Variants in PTS observed in about 807,000 individuals in gnomAD.
PTS encodes 6-pyruvoyltetrahydropterin synthase.
Under a neutral mutation model 20.6 loss-of-function variants are expected in PTS, and 23 were observed. The ratio of observed to expected loss-of-function variants is 1.12; its 90% confidence interval spans 0.80 to 1.58. PTS has a LOEUF of 1.58. Ranked by LOEUF, PTS falls within the 40% of genes most tolerant of loss-of-function variation. PTS has a pLI of 0.00. For missense variants in PTS, 186 were observed against 182.4 expected, an observed-to-expected ratio of 1.02 and a Z score of -0.11; for synonymous variants, 65 against 62.5, an observed-to-expected ratio of 1.04 and a Z score of -0.19.
intron 2 of PTS, among the ~76,000 whole-genome samples, chr11:112,229,873 CT>C (rs1487684109): frequency 6.6e-6 from 1 of 152,206 alleles, no homozygotes; most frequent in African/African-American, 2.4e-5. Flanking sequence ...AAGACATTTT[CT>C]ACTTCTACAG....
intron 3 of PTS, 87 bp downstream of exon 3, chr11:112,230,317 C>A: frequency 6.8e-7 from 1 of 1,466,396 alleles, no homozygotes; most frequent in South Asian, 1.1e-5. Flanking sequence ...GAAAACTGTT[C>A]CAGTCAGTAT....
rs1592878112 is a variant in PTS at position 112,226,592 on chromosome 11, G to A, written c.83+66G>A. The A allele has an allele frequency of 2.9e-6, 4 of 1,397,650 alleles. No homozygotes were observed. The East Asian group carries it at 9.3e-5, about 32-fold the overall frequency. 86.6% of individuals were successfully genotyped at this position (1,397,650 alleles called of 1,614,324 possible). ...CGGGCCCCGGAACGTCACCGGGGCG[G>A]GGCCGGCGGGCGTGCTGACGTCGGG... On this transcript the variant is annotated intron_variant, in intron 1 of 5. Coordinates refer to ENST00000280362, the MANE Select transcript of PTS (RefSeq NM_000317.3).
In PTS at chr11:112,230,691, A is replaced by T. The variant is rs200446631; in HGVS notation, c.243+9A>T. ...TCAAAAAATATATGGAGGTAATGGC[A>T]TGTTGGGTGCTTATTATGTGCTATT... On this transcript the variant is annotated intron_variant, in intron 4 of 5. Coordinates refer to ENST00000280362, the MANE Select transcript of PTS (RefSeq NM_000317.3). 1 of 1,603,776 alleles carries T rather than the reference A, an allele frequency of 6.2e-7. No homozygotes were observed. The highest frequency in any genetic ancestry group is 8.5e-7 in the Non-Finnish European group (1 of 1,170,646).
At position 112,226,658 on chromosome 11, in the gene PTS, G is replaced by T; in HGVS notation, c.83+132G>T. The T allele has an allele frequency of 4.9e-6, 3 of 613,632 alleles. No homozygotes were observed. The South Asian group carries it at 1.6e-4, about 33-fold the overall frequency. The allele number at this position is 613,632 out of a possible 1,614,324, so 38.0% of individuals were successfully genotyped here. On this transcript the variant is annotated intron_variant, in intron 1 of 5. Coordinates refer to ENST00000280362, the MANE Select transcript of PTS (RefSeq NM_000317.3). ...GGGGCTGCTGGGGCGACGCGCGCTGGTCGGCTTCGTGGGGCTTCGGACGGC... is the reference window on the plus strand; with the variant it reads ...GGGGCTGCTGGGGCGACGCGCGCTGTTCGGCTTCGTGGGGCTTCGGACGGC...
In PTS at chr11:112,230,680, G is replaced by C; in HGVS notation, c.241G>C (p.Glu81Gln). 2 of 1,608,716 alleles carry C rather than the reference G, an allele frequency of 1.2e-6. No homozygotes were observed. Among genetic ancestry groups the C allele is most frequent in the South Asian group, 1.1e-5 (1 of 90,988 alleles). Residue 81 changes from glutamate (E) to glutamine (Q), a missense_variant and splice_region_variant, in exon 4 of 6, where the codon GAG becomes CAG. Transcript: ENST00000280362. ...TCTGGCTGATCTCAAAAAATATATG[G>C]AGGTAATGGCATGTTGGGTGCTTAT... ...MNLADLKKYMEEAIMQPLDHK... is the reference protein window; with the variant it reads ...MNLADLKKYMQEAIMQPLDHK...
In PTS at chr11:112,230,631, C is replaced by T. The variant is rs201156784; in HGVS notation, c.192C>T (p.Asp64=). 3.7e-6 allele frequency: 6 copies of T among 1,609,102 alleles called. No homozygotes were observed. In the East Asian group the frequency reaches 1.3e-4, roughly 36 times the overall value. Residue 64 remains aspartate, a synonymous_variant, in exon 4 of 6, where the codon GAC becomes GAT. Coordinates refer to ENST00000280362, the MANE Select transcript of PTS (RefSeq NM_000317.3). ...KVVVTVHGEI[D]PATGMVMNLA... is the part of the protein sequence containing the mutation. Reference sequence around the variant, plus strand: ...CACCTTTGTTTATTCTTTAGATTGACCCTGCTACGGGAATGGTTATGAATC... The same window carrying T: ...CACCTTTGTTTATTCTTTAGATTGATCCTGCTACGGGAATGGTTATGAATC...
At position 112,233,317 on chromosome 11, in the gene PTS, TTTTAA is replaced by T. The variant is rs1859967918; in HGVS notation, c.314+91_314+95del. 5.8e-6 allele frequency: 9 copies of T among 1,548,752 alleles called. No individual in the cohort carries two copies. The East Asian group carries it at 6.7e-5, about 12-fold the overall frequency. On this transcript the variant is annotated intron_variant, in intron 5 of 5. Coordinates refer to ENST00000280362, the MANE Select transcript of PTS (RefSeq NM_000317.3). ...TTTGATTGTTGTGTGATTTCTGAAGTTTTAATTTAATGAAATCTTTCGAAACTAGA... is the reference window on the plus strand; with the variant it reads ...TTTGATTGTTGTGTGATTTCTGAAGTTTTAATGAAATCTTTCGAAACTAGA...
intron 4 of PTS, among the ~76,000 whole-genome samples, chr11:112,231,605 ATTAC>A (rs890200566): frequency 2.8e-4 from 43 of 152,122 alleles, no homozygotes; most frequent in African/African-American, 9.7e-4. Flanking sequence ...CTTCTTTCAC[ATTAC>A]TTATTCATAT....
chr11:112,232,779 A>T (rs918943717), intron 4 of PTS, among the ~76,000 whole-genome samples: 1 of 152,170 alleles, frequency 6.6e-6, no homozygotes, highest in African/African-American at 2.4e-5. Context: ...TGTCCTTATG[A>T]TATTGTGGCA....
In PTS at chr11:112,230,449, A is replaced by G. The variant is rs113410532; in HGVS notation, c.187-177A>G. ...GGACAGGTAGAAGGGCTATACAATG[A>G]AAAGGATGCTTGAAGTACATGGTGC... On this transcript the variant is annotated intron_variant, in intron 3 of 5. Coordinates refer to ENST00000280362, the MANE Select transcript of PTS (RefSeq NM_000317.3). 3,680 of 796,624 alleles carry G rather than the reference A, an allele frequency of 4.6e-3. 17 individuals are homozygous for G. Among genetic ancestry groups the G allele is most frequent in the African/African-American group, 7.3e-3 (433 of 59,052 alleles). The allele number at this position is 796,624 out of a possible 1,614,324, so 49.3% of individuals were successfully genotyped here. A position where few individuals can be genotyped will look rare whatever the true frequency, so the allele number is the denominator to read the frequency against.
At chr11:112,227,592 A>G (rs910006430) in intron 1 of PTS, among the ~76,000 whole-genome samples, 1 of 152,122 alleles carries the variant, frequency 6.6e-6, no homozygotes, top group South Asian at 2.1e-4. Flanking sequence ...CCTTCCACTC[A>G]TGGTGGAAGG....
At chr11:112,227,266 C>T (rs977125404) in intron 1 of PTS, among the ~76,000 whole-genome samples, 13 of 152,050 alleles carry the variant, frequency 8.5e-5, no homozygotes, top group Non-Finnish European at 1.5e-4. Flanking sequence ...ATTCATCCCT[C>T]CATTCGCTAA....
At position 112,226,483 on chromosome 11, in the gene PTS, G is replaced by A. The variant is rs912074885; in HGVS notation, c.40G>A (p.Val14Met). ...TGGTGGCCGTCGCTGCCAGGCACAA[G>A]TGTCCCGCCGCATCTCCTTCAGCGC... The part of the protein sequence containing the change: ...EGGGRRCQAQ[V>M]SRRISFSASH... Residue 14 changes from valine to methionine, a missense_variant, in exon 1 of 6, where the codon GTG (valine) becomes ATG (methionine). Coordinates refer to ENST00000280362, the MANE Select transcript of PTS (RefSeq NM_000317.3). 7 of 1,582,138 alleles carry A rather than the reference G, an allele frequency of 4.4e-6. No homozygotes were observed. In the African/African-American group the frequency reaches 6.7e-5, roughly 15 times the overall value.
chr11:112,233,393 A>G, intron 5 of PTS, 39 bp from the exon 6 acceptor site: 2 of 1,568,982 alleles, frequency 1.3e-6, no homozygotes, highest in Non-Finnish European at 1.7e-6. Flanking sequence ...TATTGTTTGC[A>G]TTTTGAATTT....
In PTS at chr11:112,233,681, A is replaced by G. The variant is rs1026225180; in HGVS notation, c.*126A>G. The G allele has an allele frequency of 1.0e-5, 14 of 1,389,544 alleles. No individual in the cohort carries two copies. The Admixed American group carries it at 1.2e-4, about 12-fold the overall frequency. 86.1% of individuals were successfully genotyped at this position (1,389,544 alleles called of 1,614,324 possible). A position where few individuals can be genotyped will look rare whatever the true frequency, so the allele number is the denominator to read the frequency against. ...GTACACATTGTGCTCTGGAGTGCCTATTTATTGAAATCATTGTAAGACCTG... is the reference window on the plus strand; with the variant it reads ...GTACACATTGTGCTCTGGAGTGCCTGTTTATTGAAATCATTGTAAGACCTG... On this transcript the variant is annotated 3_prime_UTR_variant, in exon 6 of 6. Transcript: ENST00000280362.
At chr11:112,232,184 C>T (rs1444249092) in intron 4 of PTS, among the ~76,000 whole-genome samples, 1 of 152,050 alleles carries the variant, frequency 6.6e-6, no homozygotes, top group African/African-American at 2.4e-5. Context: ...TTCAAGGCTG[C>T]AGTGAGCTAT....
intron 4 of PTS, among the ~76,000 whole-genome samples, chr11:112,231,869 G>T (rs897667591): frequency 2.3e-5 from 3 of 133,042 alleles, no homozygotes; most frequent in African/African-American, 5.5e-5. Context: ...GGCAGGCGGA[G>T]AGAGAGAGAG....
intron 2 of PTS, chr11:112,228,930 T>C: frequency 2.0e-6 from 1 of 490,930 alleles, no homozygotes. Flanking sequence ...TGTCCTAGAG[T>C]ACACAACAAG....
At chr11:112,233,140 T>C (rs1207329228) in intron 4 of PTS, 23 bp from the exon 5 acceptor site, 3 of 1,601,796 alleles carry the variant, frequency 1.9e-6, no homozygotes, top group Non-Finnish European at 2.6e-6. Flanking sequence ...GTCAATGATA[T>C]TTTCCCTTGG....
Sources: allele counts gnomAD v4.1 joint callset (sites outside exome capture counted in the v4.1 genomes callset), GRCh38; gene constraint gnomAD v4.1.1; transcripts MANE v1.5; gene names NCBI Gene and HGNC (gene_info 2026-07-23, HGNC 2026-07-21).